ACAD10: variants seen among roughly 807,000 people sequenced by gnomAD.
ACAD10 encodes the protein ACAD-10.
ACAD10 carries 112 observed loss-of-function variants against 116.8 expected under a neutral mutation model. The observed-to-expected ratio is 0.96, with a 90% CI of 0.82 to 1.12. The LOEUF is 1.12. Among genes scored for constraint, ACAD10 ranks in the 50% most tolerant of loss-of-function variants. The pLI is 0.00. For synonymous variants in ACAD10, 486 were observed against 510.6 expected (o/e 0.95, Z 0.65); for missense variants, 1,259 against 1,350.2 (o/e 0.93, Z 1.06).
intron 8 of ACAD10, among the ~76,000 whole-genome samples, chr12:111,722,403 T>TTTATTTA (rs1566153748): frequency 2.2e-5 from 3 of 134,968 alleles, no homozygotes; most frequent in African/African-American, 1.0e-4. Flanking sequence ...TTATTTATTT[T>TTTATTTA]TTATTGATAA....
chr12:111,733,088 A>C (rs1473031481), intron 10 of ACAD10, among the ~76,000 whole-genome samples: 1 of 149,786 alleles, frequency 6.7e-6, no homozygotes, highest in Non-Finnish European at 1.5e-5. Context: ...CTTCTGGGTA[A>C]CTGGACTTTT....
chr12:111,712,394 A>G, intron 5 of ACAD10, 104 bp from the exon 6 acceptor site: 1 of 1,121,654 alleles, frequency 8.9e-7, no homozygotes, highest in Non-Finnish European at 1.3e-6. Context: ...CATGAATTGT[A>G]AAATTAAAAA....
At chr12:111,717,651 G>A (rs1285385347) in intron 7 of ACAD10, among the ~76,000 whole-genome samples, 2 of 150,232 alleles carry the variant, frequency 1.3e-5, no homozygotes, top group African/African-American at 4.9e-5. Context: ...CTATAATCTC[G>A]AACTCCTGGG....
At chr12:111,735,864 G>C (rs1889541501) in intron 11 of ACAD10, among the ~76,000 whole-genome samples, 1 of 151,042 alleles carries the variant, frequency 6.6e-6, no homozygotes, top group Admixed American at 6.6e-5. Context: ...TTTTGAGATG[G>C]AGTCTCCCTC....
chr12:111,709,007 C>T lies in ACAD10; in HGVS notation c.532-519C>T, dbSNP rs78616337. Reference sequence around the variant, plus strand: ...TAACCTCTGAAATAAACACTAAGTTCGTATTTATTTTATACCTGTAATAGT... The same window carrying T: ...TAACCTCTGAAATAAACACTAAGTTTGTATTTATTTTATACCTGTAATAGT... On this transcript the variant is annotated intron_variant, in intron 4 of 20. Transcript: ENST00000313698. 4.2e-4 allele frequency among the ~76,000 whole-genome samples: 63 copies of T among 150,224 alleles called. No homozygotes were observed. In the East Asian group the frequency reaches 0.011, roughly 27 times the overall value.
rs1193926528 is a variant in ACAD10, at chr12:111,749,360, C to T, written c.2817+15C>T. 2 of 1,604,322 alleles carry T rather than the reference C, an allele frequency of 1.2e-6. No individual in the cohort carries two copies. The highest frequency in any genetic ancestry group is 1.7e-6 in the Non-Finnish European group (2 of 1,174,636). On this transcript the variant is annotated intron_variant, in intron 18 of 20. Transcript: ENST00000313698. ...TGAAGGCCCGCGTGAGTGCTTTCCC[C>T]CGCACCCAGCACTGACTCAGAACCA...
intron 8 of ACAD10, among the ~76,000 whole-genome samples, chr12:111,727,390 G>A (rs1333084720): frequency 6.6e-6 from 1 of 152,002 alleles, no homozygotes; most frequent in Non-Finnish European, 1.5e-5. Flanking sequence ...CGGGCGTGGT[G>A]GCGGGTGCCT....
Position 111,736,948 on chromosome 12 carries a change from T to C in ACAD10, c.1658T>C (p.Phe553Ser). 2 of 1,614,010 alleles carry C rather than the reference T, an allele frequency of 1.2e-6. No homozygotes were observed. The highest frequency in any genetic ancestry group is 1.7e-6 in the Non-Finnish European group (2 of 1,179,968). Reference protein sequence around the residue: ...PTENWNFYMAFSFFRVAAILQ... With the variant: ...PTENWNFYMASSFFRVAAILQ... ...GAGAACTGGAACTTCTATATGGCTT[T>C]TTCCTTTTTCCGTGTGGCTGCAATC... The change falls in exon 12 of 21, where the codon TTT (phenylalanine) becomes TCT (serine). Residue 553 changes from phenylalanine (F) to serine (S), a missense_variant. Phe to Ser is a radical substitution (Grantham distance 155, BLOSUM62 -2). Coordinates refer to ENST00000313698, the MANE Select transcript of ACAD10 (RefSeq NM_025247.6).
At chr12:111,738,043 G>A (rs1889623410) in intron 12 of ACAD10, among the ~76,000 whole-genome samples, 1 of 151,988 alleles carries the variant, frequency 6.6e-6, no homozygotes, top group Non-Finnish European at 1.5e-5. Context: ...TTTTAGTAGA[G>A]ATGGGGTTTT....
At position 111,725,230 on chromosome 12, in the gene ACAD10, G is replaced by A. The variant is rs985775928; in HGVS notation, c.1062-2732G>A. Among the ~76,000 whole-genome samples the A allele has an allele frequency of 2.6e-5, 4 of 152,030 alleles. No homozygotes were observed. In the South Asian group the frequency reaches 6.2e-4, roughly 24 times the overall value. On this transcript the variant is annotated intron_variant, in intron 8 of 20. Transcript: ENST00000313698. ...TCTCTCAAGAATAAAGACATTGACC[G>A]GGCATAGTGGCTCACTCCTGTAATC...
At chr12:111,695,794 A>G (rs558821392) in intron 2 of ACAD10, among the ~76,000 whole-genome samples, 18 of 152,184 alleles carry the variant, frequency 1.2e-4, no homozygotes, top group African/African-American at 4.3e-4. Flanking sequence ...TGGGCGGATC[A>G]CTTGAGGTCA....
Position 111,744,973 on chromosome 12 carries a change from A to G in ACAD10, c.2045A>G (p.Glu682Gly). The change falls in exon 13 of 21, where the codon GAG becomes GGG. Residue 682 changes from glutamate (E) to glycine (G), a missense_variant. Transcript: ENST00000313698. ...HFMEQRVYPAEPELQSHQASA... is the reference protein window; with the variant it reads ...HFMEQRVYPAGPELQSHQASA... ...ATGGAGCAACGTGTGTACCCTGCAG[A>G]GCCAGAGCTGCAGAGTCACCAGGCC... 2 of 1,614,128 alleles carry G rather than the reference A, an allele frequency of 1.2e-6. No individual in the cohort carries two copies. Among genetic ancestry groups the G allele is most frequent in the South Asian group, 2.2e-5 (2 of 91,088 alleles).
At chr12:111,693,915 G>A (rs573338768) in intron 2 of ACAD10, among the ~76,000 whole-genome samples, 9 of 152,088 alleles carry the variant, frequency 5.9e-5, no homozygotes, top group Non-Finnish European at 1.0e-4. Context: ...GTGGTATCAG[G>A]GACTCCGACT....
At chr12:111,719,058 T>C (rs11066011) in intron 7 of ACAD10, among the ~76,000 whole-genome samples, 1 of 152,000 alleles carries the variant, frequency 6.6e-6, no homozygotes, top group East Asian at 2.0e-4. Flanking sequence ...TGAGCGGAGA[T>C]TGCAGTGAGC....
intron 1 of ACAD10, among the ~76,000 whole-genome samples, chr12:111,689,852 A>G (rs931677671): frequency 3.3e-5 from 5 of 151,808 alleles, no homozygotes; most frequent in African/African-American, 1.2e-4. Context: ...AGTAGCTGGG[A>G]CTACAGGTGC....
chr12:111,727,036 G>A (rs1428106573), intron 8 of ACAD10, among the ~76,000 whole-genome samples: 1 of 151,954 alleles, frequency 6.6e-6, no homozygotes. Context: ...GACCAGCCTG[G>A]CCAATATGGT....
intron 12 of ACAD10, among the ~76,000 whole-genome samples, chr12:111,738,210 G>T (rs1043949749): frequency 2.6e-5 from 4 of 151,988 alleles, no homozygotes; most frequent in Admixed American, 1.3e-4. Flanking sequence ...TTCCTTGCTC[G>T]CTAGTATGAC....
chr12:111,704,988 T>G (rs552739912), intron 3 of ACAD10, among the ~76,000 whole-genome samples: 5 of 151,242 alleles, frequency 3.3e-5, no homozygotes, highest in Admixed American at 2.6e-4. Context: ...CGCCCAGCCT[T>G]ATAAGAGTTT....
At chr12:111,737,472 C>T (rs572829667) in intron 12 of ACAD10, among the ~76,000 whole-genome samples, 1 of 152,290 alleles carries the variant, frequency 6.6e-6, no homozygotes, top group South Asian at 2.1e-4. Context: ...CAGGTGTGAG[C>T]CACCATGCCC....
Sources: allele counts gnomAD v4.1 joint callset (sites outside exome capture counted in the v4.1 genomes callset), GRCh38; gene constraint gnomAD v4.1.1; transcripts MANE v1.5; gene names NCBI Gene and HGNC (gene_info 2026-07-23, HGNC 2026-07-21).